The following PCDHA2 variants were observed in gnomAD, a reference collection of about 807,000 sequenced individuals.
PCDHA2 encodes the protein protocadherin alpha 2.
In PCDHA2, 58 loss-of-function variants were observed where a neutral mutation model predicts 66.0. The ratio of observed to expected loss-of-function variants is 0.88; its 90% confidence interval spans 0.71 to 1.09. PCDHA2 has a LOEUF of 1.09. Among genes scored for constraint, PCDHA2 ranks in the 50% least tolerant of loss-of-function variants. The probability of loss-of-function intolerance (pLI) is 0.00; values close to 1 mark genes in which losing one functional copy is unlikely to be tolerated. For synonymous variants in PCDHA2, 634 were observed against 554.0 expected (o/e 1.14, Z -2.03); for missense variants, 1,267 against 1,242.3 (o/e 1.02, Z -0.30).
intron 1 of PCDHA2, among the ~76,000 whole-genome samples, chr5:140,942,544 G>T (rs546340510): frequency 1.6e-4 from 24 of 152,000 alleles, no homozygotes; most frequent in Non-Finnish European, 2.9e-4. Context: ...TATGGTGGGG[G>T]GTAGGGGGTT....
intron 3 of PCDHA2, among the ~76,000 whole-genome samples, chr5:141,007,395 C>CAAAAAAAAA (rs35800918): frequency 8.4e-5 from 8 of 94,856 alleles, no homozygotes; most frequent in East Asian, 2.9e-4. Context: ...TACTAAAATA[C>CAAAAAAAAA]AAAAAAAAAA....
In PCDHA2 at chr5:140,927,786, A is replaced by G. The variant is rs782728309; in HGVS notation, c.2389-51163A>G. 11 of 1,614,074 alleles carry G rather than the reference A, an allele frequency of 6.8e-6. No homozygotes were observed. The East Asian group carries it at 2.0e-4, about 29-fold the overall frequency. On this transcript the variant is annotated intron_variant, in intron 1 of 3. Transcript: ENST00000526136. ...GTGGGGAGGTGCAAGTAGCTGCTTC[A>G]CTAGGTCCGCCTGAAACGCTCTTGG...
intron 1 of PCDHA2, chr5:140,803,713 CAGTTTTGT>C (rs782521607): frequency 4.0e-6 from 6 of 1,507,440 alleles, no homozygotes; most frequent in Non-Finnish European, 5.3e-6. Context: ...TAGACTTTTC[CAGTTTTGT>C]GGTTTTGTGG....
chr5:140,871,762 G>A (rs2053295572), intron 1 of PCDHA2, among the ~76,000 whole-genome samples: 1 of 152,200 alleles, frequency 6.6e-6, no homozygotes, highest in South Asian at 2.1e-4. Flanking sequence ...AGATGCAAGA[G>A]TGACTCTTCT....
chr5:140,976,982 T>G (rs1348911349), intron 1 of PCDHA2, among the ~76,000 whole-genome samples: 1 of 152,240 alleles, frequency 6.6e-6, no homozygotes, highest in African/African-American at 2.4e-5. Flanking sequence ...CTGCCTGATC[T>G]TACTGCCATA....
At chr5:140,836,871 T>C in intron 1 of PCDHA2, 1 of 696,422 alleles carries the variant, frequency 1.4e-6, no homozygotes, top group South Asian at 2.4e-5. Context: ...TGTTATGCTG[T>C]ATTTGCACTA....
chr5:140,988,516 G>A (rs1226381986), intron 3 of PCDHA2, among the ~76,000 whole-genome samples: 1 of 152,156 alleles, frequency 6.6e-6, no homozygotes, highest in African/African-American at 2.4e-5. Flanking sequence ...GCTTACTTAA[G>A]TCTCTGCTGG....
chr5:140,831,107 C>T (rs1479291703), intron 1 of PCDHA2: 8 of 152,120 alleles, frequency 5.3e-5, no homozygotes, highest in Non-Finnish European at 8.8e-5. Context: ...AGTTATCAGC[C>T]TGAATACTTC....
chr5:140,821,549 A>T (rs1212001307), intron 1 of PCDHA2: 2 of 502,492 alleles, frequency 4.0e-6, no homozygotes, highest in African/African-American at 3.9e-5. Flanking sequence ...CCTTTCATCC[A>T]CATGATGTCG....
At chr5:140,898,511 G>A (rs373963449) in intron 1 of PCDHA2, among the ~76,000 whole-genome samples, 16 of 151,912 alleles carry the variant, frequency 1.1e-4, no homozygotes, top group South Asian at 4.2e-4. Context: ...GATATGCGGC[G>A]TTATTTCTGA....
rs144072974 is a variant in PCDHA2 at position 140,938,897 on chromosome 5, G to GCA, written c.2389-40040_2389-40039dup. 1.4e-3 allele frequency among the ~76,000 whole-genome samples: 215 copies of GCA among 151,312 alleles called. 3 individuals carry two copies. The East Asian group carries it at 0.032, about 22-fold the overall frequency. Reference sequence around the variant, plus strand: ...AAGCAACACACACACACACAGATGCGCACACACACACACGCACAAGAAATT... The same window carrying GCA: ...AAGCAACACACACACACACAGATGCGCACACACACACACACGCACAAGAAATT... On this transcript the variant is annotated intron_variant, in intron 1 of 3. Coordinates refer to ENST00000526136, the MANE Select transcript of PCDHA2 (RefSeq NM_018905.3).
At chr5:140,926,118 G>C (rs927468824) in intron 1 of PCDHA2, among the ~76,000 whole-genome samples, 3 of 152,174 alleles carry the variant, frequency 2.0e-5, no homozygotes, top group African/African-American at 7.2e-5. Flanking sequence ...GTGCAGGACA[G>C]ACTTCAACCC....
chr5:140,800,713 C>T (rs559801847), intron 1 of PCDHA2, among the ~76,000 whole-genome samples: 11 of 152,188 alleles, frequency 7.2e-5, no homozygotes, highest in African/African-American at 1.9e-4. Context: ...GATAATTTAA[C>T]GGGATAATTC....
At chr5:140,876,153 G>T in intron 1 of PCDHA2, 2 of 1,613,964 alleles carry the variant, frequency 1.2e-6, no homozygotes, top group South Asian at 2.2e-5. Context: ...GGTCTGTCCA[G>T]ATTCAAATAA....
At chr5:140,827,423 T>G (rs1417944566) in intron 1 of PCDHA2, among the ~76,000 whole-genome samples, 1 of 152,238 alleles carries the variant, frequency 6.6e-6, no homozygotes, top group African/African-American at 2.4e-5. Context: ...CTCTAGAATT[T>G]TATCTTCCAT....
chr5:140,970,527 ATG>A (rs1270257257), intron 1 of PCDHA2, among the ~76,000 whole-genome samples: 2 of 151,436 alleles, frequency 1.3e-5, no homozygotes, highest in African/African-American at 4.9e-5. Context: ...GTAGATGAAT[ATG>A]TGTGTGTGTT....
chr5:140,877,222 T>A lies in PCDHA2; in HGVS notation c.2388+79870T>A, dbSNP rs199811254. On this transcript the variant is annotated intron_variant, in intron 1 of 3. Coordinates refer to ENST00000526136, the MANE Select transcript of PCDHA2 (RefSeq NM_018905.3). ...CGCAGTTAGCGAGTTGGTACCGCGG[T>A]CGGTGGGTGCGGGCCACGTGGTGGC... The A allele has an allele frequency of 2.3e-4, 370 of 1,613,680 alleles. 1 individual carries two copies. The highest frequency in any genetic ancestry group is 3.0e-4 in the Admixed American group (18 of 59,992).
rs781935896 is a variant in PCDHA2, at chr5:140,796,767, A to G, written c.1803A>G (p.Ser601=). 3.7e-6 allele frequency: 6 copies of G among 1,614,142 alleles called. No individual in the cohort carries two copies. In the South Asian group the frequency reaches 4.4e-5, roughly 12 times the overall value. ...VAKVRAVDAD[S]GYNAWLSYEL... ...AGGTGCGCGCAGTGGACGCTGACTC[A>G]GGCTACAACGCGTGGCTTTCGTACG... The change falls in exon 1 of 4, where the codon TCA becomes TCG. Residue 601 remains serine, a synonymous_variant. Transcript: ENST00000526136.
chr5:140,958,349 G>T lies in PCDHA2; in HGVS notation c.2389-20600G>T, dbSNP rs142186821. Among the ~76,000 whole-genome samples the T allele has an allele frequency of 7.9e-3, 1,199 of 152,218 alleles. 6 individuals carry two copies. The highest frequency in any genetic ancestry group is 0.012 in the Non-Finnish European group (790 of 67,966). On this transcript the variant is annotated intron_variant, in intron 1 of 3. Coordinates refer to ENST00000526136, the MANE Select transcript of PCDHA2 (RefSeq NM_018905.3). ...ATAAATAAATCACAGGAAGTTCACAGTCTGACTTTATCAGGAATGTTGCTA... is the reference window on the plus strand; with the variant it reads ...ATAAATAAATCACAGGAAGTTCACATTCTGACTTTATCAGGAATGTTGCTA...
Sources: allele counts gnomAD v4.1 joint callset (sites outside exome capture counted in the v4.1 genomes callset), GRCh38; gene constraint gnomAD v4.1.1; transcripts MANE v1.5; gene names NCBI Gene and HGNC (gene_info 2026-07-23, HGNC 2026-07-21).